The following STK3 variants were observed in gnomAD, a reference collection of about 807,000 sequenced individuals.
The protein encoded by STK3 is serine/threonine kinase 3.
In STK3, 41 loss-of-function variants were observed where a neutral mutation model predicts 58.0. That is an observed-to-expected ratio of 0.71 (90% confidence interval 0.55 to 0.92). The LOEUF is 0.92. STK3 is among the 40% of genes least tolerant of loss of function. The pLI, the probability that STK3 is intolerant of heterozygous loss-of-function variation, is 0.00. For synonymous variants in STK3, 170 were observed against 191.0 expected (o/e 0.89, Z 0.91); for missense variants, 479 against 602.7 (o/e 0.79, Z 2.15).
chr8:98,618,398 T>C (rs1363513119), intron 6 of STK3, among the ~76,000 whole-genome samples: 1 of 152,058 alleles, frequency 6.6e-6, no homozygotes, highest in Non-Finnish European at 1.5e-5. Flanking sequence ...CTTTGAAAAC[T>C]GGCACAAGAT....
At chr8:98,780,272 C>T (rs1462281531) in intron 1 of STK3, among the ~76,000 whole-genome samples, 1 of 151,958 alleles carries the variant, frequency 6.6e-6, no homozygotes, top group Non-Finnish European at 1.5e-5. Flanking sequence ...TATATGAGAG[C>T]CCTTCTTTCC....
chr8:98,403,786 C>T (rs923013453), intron 3 of STK3, among the ~76,000 whole-genome samples: 112 of 152,218 alleles, frequency 7.4e-4, no homozygotes, highest in African/African-American at 2.5e-3. Context: ...AAGGACGTGT[C>T]TTCATCCTCC....
intron 6 of STK3, among the ~76,000 whole-genome samples, chr8:98,670,873 G>T (rs11780369): frequency 0.25 from 38,214 of 152,022 alleles, 5,504 homozygotes; most frequent in East Asian, 0.43. Context: ...TTGTCAGTGA[G>T]ACCTCATTCT....
At chr8:98,716,810 G>T (rs1001356596) in intron 4 of STK3, among the ~76,000 whole-genome samples, 4 of 152,028 alleles carry the variant, frequency 2.6e-5, no homozygotes, top group African/African-American at 9.7e-5. Flanking sequence ...TGTGATATTG[G>T]CATAAACACA....
At position 98,774,725 on chromosome 8, in the gene STK3, C is replaced by T. The variant is rs187164770; in HGVS notation, c.107+14G>A. The stretch of plus-strand genomic sequence containing the variant: ...CTGAAATTATTTACATGCTTTCATA[C>T]TTTTTGTACTTACCCTTCTCCAAGC... On this transcript the variant is annotated intron_variant, in intron 2 of 10. Coordinates refer to ENST00000419617, the MANE Select transcript of STK3 (RefSeq NM_006281.4). The T allele has an allele frequency of 1.6e-3, 2,434 of 1,544,114 alleles. 26 individuals are homozygous for T. In the African/African-American group the frequency reaches 0.03, roughly 19 times the overall value.
At chr8:98,774,906 T>A (rs1057417482) in intron 1 of STK3, 87 bp from the exon 2 acceptor site, 47 of 886,282 alleles carry the variant, frequency 5.3e-5, no homozygotes, top group Middle Eastern at 3.6e-4. Context: ...ACCAAGTTTT[T>A]AATTTTATTT....
At chr8:98,706,782 G>T in intron 5 of STK3, 148 bp from the exon 6 acceptor site, 3 of 949,616 alleles carry the variant, frequency 3.2e-6, no homozygotes, top group Non-Finnish European at 4.5e-6. Context: ...AACTAGTTAT[G>T]ACATACTTAG....
chr8:98,766,988 G>A (rs1437440392), intron 3 of STK3, among the ~76,000 whole-genome samples: 2 of 152,158 alleles, frequency 1.3e-5, no homozygotes. Context: ...AGGCATGGTG[G>A]CACATGACTG....
chr8:98,592,788 G>C (rs1250580467), intron 7 of STK3, among the ~76,000 whole-genome samples: 3 of 148,796 alleles, frequency 2.0e-5, no homozygotes, highest in East Asian at 2.0e-4. Flanking sequence ...TTTTGAGACA[G>C]AGTCTCACTC....
At chr8:98,942,241 C>A (rs1840461413) in intron 1 of STK3, 1 of 152,314 alleles carries the variant, frequency 6.6e-6, no homozygotes, top group Admixed American at 6.5e-5. Context: ...GACGGTGCTG[C>A]GCTGCGCTCA....
intron 1 of STK3, among the ~76,000 whole-genome samples, chr8:98,917,129 G>C (rs969674818): frequency 6.6e-6 from 1 of 152,204 alleles, no homozygotes; most frequent in African/African-American, 2.4e-5. Flanking sequence ...AAAACAGACG[G>C]AAACCAGTGC....
At chr8:98,383,503 G>A (rs915575277) in intron 1 of STK3, among the ~76,000 whole-genome samples, 3 of 152,220 alleles carry the variant, frequency 2.0e-5, no homozygotes, top group African/African-American at 4.8e-5. Context: ...TGTGAATACT[G>A]GCTCACCGTG....
At chr8:98,862,557 C>T (rs1193600266) in intron 3 of STK3, among the ~76,000 whole-genome samples, 1 of 152,146 alleles carries the variant, frequency 6.6e-6, no homozygotes, top group Non-Finnish European at 1.5e-5. Flanking sequence ...TGTTTCTTGC[C>T]AGGAAAATGG....
chr8:98,386,561 A>C (rs1433475005), intron 1 of STK3, among the ~76,000 whole-genome samples: 1 of 152,228 alleles, frequency 6.6e-6, no homozygotes, highest in Non-Finnish European at 1.5e-5. Context: ...TATATTTTTT[A>C]AACGCAGGAT....
At chr8:98,436,328 A>AC (rs1403211388) in intron 2 of STK3, among the ~76,000 whole-genome samples, 2 of 151,532 alleles carry the variant, frequency 1.3e-5, no homozygotes, top group Non-Finnish European at 2.9e-5. Flanking sequence ...CCTGCAAAGG[A>AC]CCCCTGTGTC....
chr8:98,610,631 G>A (rs1046564968), intron 6 of STK3, among the ~76,000 whole-genome samples: 1 of 152,154 alleles, frequency 6.6e-6, no homozygotes, highest in African/African-American at 2.4e-5. Flanking sequence ...TCCTAATGAG[G>A]AAAAGCAGGG....
intron 8 of STK3, among the ~76,000 whole-genome samples, chr8:98,575,345 T>G (rs1050838608): frequency 6.6e-6 from 1 of 151,250 alleles, no homozygotes; most frequent in African/African-American, 2.4e-5. Flanking sequence ...GTGACTTGTT[T>G]TTTTTTTTTT....
At chr8:98,516,599 T>C (rs1824950008) in intron 10 of STK3, among the ~76,000 whole-genome samples, 1 of 152,000 alleles carries the variant, frequency 6.6e-6, no homozygotes, top group East Asian at 1.9e-4. Context: ...TATACAGATA[T>C]GCTAAGGGGA....
At chr8:98,372,850 C>T (rs1388274262) in intron 2 of STK3, among the ~76,000 whole-genome samples, 1 of 152,228 alleles carries the variant, frequency 6.6e-6, no homozygotes, top group Non-Finnish European at 1.5e-5. Flanking sequence ...CGCTTGGTCT[C>T]TAAGCCTGGT....
Sources: gnomAD v4.1 joint callset for allele counts (sites outside exome capture counted in the v4.1 genomes callset) on GRCh38, gnomAD v4.1.1 for gene constraint, MANE v1.5 for transcripts, NCBI Gene and HGNC (gene_info 2026-07-23, HGNC 2026-07-21) for gene names.